The following ATP6V1C2 variants were observed in gnomAD, a reference collection of about 807,000 sequenced individuals.
ATP6V1C2 encodes the protein ATPase H+ transporting V1 subunit C2.
ATP6V1C2 carries 45 observed loss-of-function variants against 56.8 expected under a neutral mutation model. That is an observed-to-expected ratio of 0.79 (90% confidence interval 0.62 to 1.02). ATP6V1C2 has a LOEUF of 1.02. Ranked by LOEUF, ATP6V1C2 falls within the 50% of genes least tolerant of loss-of-function variation. The pLI is 0.00. For missense variants in ATP6V1C2, 463 were observed against 519.7 expected (o/e 0.89, Z 1.06); for synonymous variants, 220 against 201.3 (o/e 1.09, Z -0.79).
At chr2:10,745,041 CT>C (rs5829274) in intron 3 of ATP6V1C2, among the ~76,000 whole-genome samples, 10,349 of 113,192 alleles carry the variant, frequency 0.091, 1,399 homozygotes, top group African/African-American at 0.33. Context: ...TATTTATTTT[CT>C]TTTTTTTTTT....
At chr2:10,740,761 A>G (rs1662507115) in intron 3 of ATP6V1C2, among the ~76,000 whole-genome samples, 1 of 152,176 alleles carries the variant, frequency 6.6e-6, no homozygotes. Flanking sequence ...GTGTCAGCTC[A>G]CTGCAACCTC....
intron 11 of ATP6V1C2, among the ~76,000 whole-genome samples, chr2:10,778,171 A>C (rs926480090): frequency 6.6e-6 from 1 of 152,118 alleles, no homozygotes; most frequent in Non-Finnish European, 1.5e-5. Context: ...TGGCCACGTG[A>C]GGTGGGGCTG....
At chr2:10,737,557 CTT>C (rs1398933606) in intron 3 of ATP6V1C2, among the ~76,000 whole-genome samples, 2 of 152,128 alleles carry the variant, frequency 1.3e-5, no homozygotes, top group Non-Finnish European at 2.9e-5. Flanking sequence ...GGTGTGTTCT[CTT>C]GTTTTCATTG....
At chr2:10,739,953 T>A (rs1335635964) in intron 3 of ATP6V1C2, among the ~76,000 whole-genome samples, 1 of 149,964 alleles carries the variant, frequency 6.7e-6, no homozygotes, top group Non-Finnish European at 1.5e-5. Context: ...TACAAAAAAA[T>A]TCGCTGGGCT....
chr2:10,769,941 C>T (rs1426188069), intron 6 of ATP6V1C2: 5 of 152,134 alleles, frequency 3.3e-5, no homozygotes, highest in Admixed American at 6.6e-5. Flanking sequence ...CAGGGAGCCC[C>T]GAACCAGCTG....
intron 3 of ATP6V1C2, among the ~76,000 whole-genome samples, chr2:10,732,918 C>T (rs1662043411): frequency 6.6e-6 from 1 of 150,538 alleles, no homozygotes; most frequent in African/African-American, 2.5e-5. Flanking sequence ...TTGCAGTGAG[C>T]CGAGATTGTG....
chr2:10,723,213 CA>C (rs1002115404), intron 2 of ATP6V1C2, among the ~76,000 whole-genome samples: 3 of 152,122 alleles, frequency 2.0e-5, no homozygotes, highest in Admixed American at 2.0e-4. Context: ...AAGGAATGAA[CA>C]GGGGGACAAG....
chr2:10,762,281 A>G (rs1198867), intron 4 of ATP6V1C2, among the ~76,000 whole-genome samples: 71,117 of 151,200 alleles, frequency 0.47, 17,998 homozygotes, highest in African/African-American at 0.67. Flanking sequence ...CAGTAGCTGG[A>G]ACTACGGGCG....
At chr2:10,742,042 T>G (rs538368979) in intron 3 of ATP6V1C2, among the ~76,000 whole-genome samples, 1 of 152,212 alleles carries the variant, frequency 6.6e-6, no homozygotes, top group East Asian at 1.9e-4. Flanking sequence ...CCCGAGTAGC[T>G]GGGATTACAG....
intron 3 of ATP6V1C2, among the ~76,000 whole-genome samples, chr2:10,748,350 C>T (rs961983948): frequency 4.6e-5 from 7 of 152,122 alleles, no homozygotes; most frequent in South Asian, 2.1e-4. Flanking sequence ...TTCCTCAGTG[C>T]GTTGCAGGAG....
chr2:10,776,651 T>A (rs114073658), intron 10 of ATP6V1C2, among the ~76,000 whole-genome samples: 3,086 of 152,292 alleles, frequency 0.02, 75 homozygotes, highest in African/African-American at 0.058. Flanking sequence ...CTGCGCAGTA[T>A]CTCTGGACGG....
intron 3 of ATP6V1C2, among the ~76,000 whole-genome samples, chr2:10,745,625 G>A (rs1469671749): frequency 6.6e-6 from 1 of 152,144 alleles, no homozygotes; most frequent in Admixed American, 6.6e-5. Context: ...ACAGGCATGA[G>A]CCACCACGCC....
intron 3 of ATP6V1C2, among the ~76,000 whole-genome samples, chr2:10,728,774 C>CCA (rs1553323485): frequency 0.012 from 893 of 74,244 alleles, 11 homozygotes; most frequent in African/African-American, 0.04. Flanking sequence ...CACCCTGTCT[C>CCA]AAAAAAAAAA....
rs1042638389 is a variant in ATP6V1C2 at position 10,784,741 on chromosome 2, T to G, written c.*1478T>G. On this transcript the variant is annotated 3_prime_UTR_variant, in exon 14 of 14. Transcript: ENST00000272238. ...AAATGTATCTTGGCTGTCAAGAGTA[T>G]CAAATGCCATGCAGCACTTAAACTT... 2.0e-4 allele frequency: 111 copies of G among 563,038 alleles called. 1 individual carries two copies. Among genetic ancestry groups the G allele is most frequent in the Non-Finnish European group, 3.1e-4 (98 of 318,926 alleles). 34.9% of individuals were successfully genotyped at this position (563,038 alleles called of 1,614,324 possible).
intron 3 of ATP6V1C2, among the ~76,000 whole-genome samples, chr2:10,739,716 TG>T (rs1444918465): frequency 6.6e-6 from 1 of 152,230 alleles, no homozygotes. Flanking sequence ...TTTGCCTTTT[TG>T]GGGGTATTAA....
At chr2:10,728,849 C>T (rs1661797202) in intron 3 of ATP6V1C2, among the ~76,000 whole-genome samples, 1 of 145,740 alleles carries the variant, frequency 6.9e-6, no homozygotes, top group African/African-American at 2.5e-5. Flanking sequence ...TAAATTATTA[C>T]AAATCTGGGC....
chr2:10,757,522 A>C, intron 4 of ATP6V1C2: 2 of 398,470 alleles, frequency 5.0e-6, no homozygotes, highest in Middle Eastern at 1.3e-3. Context: ...GGAAGGTGGA[A>C]TCTCGGTCTG....
chr2:10,731,896 C>A (rs1320163371), intron 3 of ATP6V1C2, among the ~76,000 whole-genome samples: 4 of 151,960 alleles, frequency 2.6e-5, no homozygotes, highest in African/African-American at 9.7e-5. Flanking sequence ...TTGCTTGAGC[C>A]CAGGAGGTCG....
chr2:10,742,886 C>T (rs1048707960), intron 3 of ATP6V1C2, among the ~76,000 whole-genome samples: 4 of 152,226 alleles, frequency 2.6e-5, no homozygotes, highest in Admixed American at 2.0e-4. Context: ...GATCCCCCAC[C>T]GCAGCTTGCC....
Sources: gnomAD v4.1 joint callset for allele counts (sites outside exome capture counted in the v4.1 genomes callset) on GRCh38, gnomAD v4.1.1 for gene constraint, MANE v1.5 for transcripts, NCBI Gene and HGNC (gene_info 2026-07-23, HGNC 2026-07-21) for gene names.